The following NDRG2 variants were observed in gnomAD, a reference collection of about 807,000 sequenced individuals.
The protein encoded by NDRG2 is protein NDRG2.
Under a neutral mutation model 58.2 loss-of-function variants are expected in NDRG2, and 34 were observed. The observed-to-expected ratio is 0.58, with a 90% CI of 0.44 to 0.78. The LOEUF (loss-of-function observed/expected upper bound fraction) is 0.78. Among genes scored for constraint, NDRG2 ranks in the 30% least tolerant of loss-of-function variants. The pLI, the probability that NDRG2 is intolerant of heterozygous loss-of-function variation, is 0.00. For synonymous variants in NDRG2, 187 were observed against 175.9 expected, an observed-to-expected ratio of 1.06 and a Z score of -0.50; for missense variants, 434 against 471.2, an observed-to-expected ratio of 0.92 and a Z score of 0.73.
chr14:21,031,114 G>A lies in NDRG2; in HGVS notation c.25-7793C>T, dbSNP rs1004434082. On this transcript the variant is annotated intron_variant, in intron 1 of 14. Coordinates refer to the NDRG2 transcript ENST00000403829. ...GGAAGAGTCCAGATGAAGTCCTGGA[G>A]AACATTTATGGACTCATGGAGGGCA... is the stretch of plus-strand genomic sequence containing the variant. 5.0e-6 allele frequency: 8 copies of A among 1,614,060 alleles called. No homozygotes were observed. In the African/African-American group the frequency reaches 9.3e-5, roughly 19 times the overall value.
intron 1 of NDRG2, chr14:21,043,884 AAAATAT>A (rs1885027589): frequency 5.4e-6 from 1 of 186,098 alleles, no homozygotes; most frequent in African/African-American, 2.4e-5. Flanking sequence ...GAAGGAAAGA[AAAATAT>A]AAATAAATAC....
chr14:21,061,075 A>G (rs1885934394), intron 1 of NDRG2, among the ~76,000 whole-genome samples: 1 of 152,216 alleles, frequency 6.6e-6, no homozygotes. Flanking sequence ...TACATACGAA[A>G]CTATCAAGTA....
intron 14 of NDRG2, 80 bp from the exon 15 acceptor site, chr14:21,018,118 G>A (rs1877844500): frequency 6.2e-7 from 1 of 1,601,344 alleles, no homozygotes; most frequent in Non-Finnish European, 8.6e-7. Flanking sequence ...CGGCACTGTG[G>A]GGCCGGGTGT....
At chr14:21,038,928 C>T (rs1884771526) in intron 1 of NDRG2, among the ~76,000 whole-genome samples, 1 of 152,248 alleles carries the variant, frequency 6.6e-6, no homozygotes, top group South Asian at 2.1e-4. Flanking sequence ...GAAAGTCCCA[C>T]ATCTGACCTC....
chr14:21,059,768 AC>A (rs1885861606), intron 1 of NDRG2, among the ~76,000 whole-genome samples: 1 of 152,134 alleles, frequency 6.6e-6, no homozygotes, highest in Non-Finnish European at 1.5e-5. Flanking sequence ...CAAGTGATCC[AC>A]CCACCTGGAC....
Position 21,068,146 on chromosome 14 carries a change from C to A in NDRG2, c.24+2682G>T, listed in dbSNP as rs1396363396. Among the ~76,000 whole-genome samples, 2 of 49,108 alleles carry A rather than the reference C, an allele frequency of 4.1e-5. 1 individual carries two copies. Among genetic ancestry groups the A allele is most frequent in the Non-Finnish European group, 1.2e-4 (2 of 16,914 alleles). The allele number at this position is 49,108 out of a possible 152,430, so 32.2% of individuals were successfully genotyped here. ...TCCCGAGTAGCTGGGACTACAGGCG[C>A]CCGCTACCACGCCCGGCTAATTTTT... On this transcript the variant is annotated intron_variant, in intron 1 of 14. Coordinates refer to the NDRG2 transcript ENST00000403829.
Position 21,021,855 on chromosome 14 carries a change from C to G in NDRG2, c.369G>C (p.Gln123His). The change falls in exon 6 of 16, where the codon CAG becomes CAC. Residue 123 changes from glutamine to histidine, a missense_variant. Transcript: ENST00000556147. ...GGACGCAAGGGATCATGTCTGCAAG[C>G]TGGTCCAGAGATGGGTACTGATATC... ...PLGYQYPSLD[Q>H]LADMIPCVLQ... The G allele has an allele frequency of 6.2e-7, 1 of 1,613,448 alleles. No homozygotes were observed. Among genetic ancestry groups the G allele is most frequent in the Non-Finnish European group, 8.5e-7 (1 of 1,179,708 alleles).
intron 1 of NDRG2, among the ~76,000 whole-genome samples, chr14:21,050,463 G>T (rs531854319): frequency 6.6e-6 from 1 of 152,130 alleles, no homozygotes; most frequent in Admixed American, 6.6e-5. Flanking sequence ...TTTGGTAAGG[G>T]TTACCACTTT....
intron 6 of NDRG2, 123 bp downstream of exon 6, chr14:21,021,694 A>G (rs1259046112): frequency 9.5e-7 from 1 of 1,054,492 alleles, no homozygotes; most frequent in Non-Finnish European, 1.4e-6. Context: ...AGCATGAAGG[A>G]AGAAGATATA....
intron 1 of NDRG2, chr14:21,033,781 G>T (rs761975973): frequency 8.6e-6 from 11 of 1,283,732 alleles, no homozygotes; most frequent in Admixed American, 1.7e-5. Flanking sequence ...GGAGACAGCT[G>T]GCCTGTGGTG....
At chr14:21,068,421 A>G (rs936735723) in intron 1 of NDRG2, among the ~76,000 whole-genome samples, 1 of 152,146 alleles carries the variant, frequency 6.6e-6, no homozygotes, top group African/African-American at 2.4e-5. Flanking sequence ...TTGGAGTCCA[A>G]TGGACAACCT....
intron 1 of NDRG2, chr14:21,042,997 C>T: frequency 9.3e-6 from 15 of 1,611,964 alleles, no homozygotes; most frequent in East Asian, 2.2e-5. Flanking sequence ...AGAGAGATGG[C>T]ACCGGCCAGA....
intron 1 of NDRG2, among the ~76,000 whole-genome samples, chr14:21,057,589 T>G (rs893731143): frequency 1.5e-5 from 2 of 131,760 alleles, no homozygotes; most frequent in African/African-American, 5.9e-5. Context: ...AATAGGAATT[T>G]TCTTAACTTT....
intron 1 of NDRG2, chr14:21,030,957 T>C: frequency 1.3e-6 from 2 of 1,562,084 alleles, no homozygotes; most frequent in South Asian, 2.5e-5. Context: ...AGTTGGACCT[T>C]GGAAGGTAAT....
intron 1 of NDRG2, chr14:21,034,277 A>G: frequency 6.2e-7 from 1 of 1,610,428 alleles, no homozygotes. Context: ...GCCGGGTCAC[A>G]GCTGGTGCCA....
At chr14:21,053,866 G>A (rs1885570023) in intron 1 of NDRG2, among the ~76,000 whole-genome samples, 1 of 152,178 alleles carries the variant, frequency 6.6e-6, no homozygotes, top group Non-Finnish European at 1.5e-5. Context: ...GAACTCGGAA[G>A]TGCCTTCCTG....
At chr14:21,058,368 C>T (rs1447227853) in intron 1 of NDRG2, 41 of 1,557,380 alleles carry the variant, frequency 2.6e-5, no homozygotes, top group Non-Finnish European at 3.5e-5. Flanking sequence ...GCCCTGGTGC[C>T]CACGTTCCAC....
intron 1 of NDRG2, chr14:21,034,052 C>T (rs2139090888): frequency 2.5e-6 from 4 of 1,614,150 alleles, no homozygotes; most frequent in Non-Finnish European, 3.4e-6. Flanking sequence ...GGATGGCCTT[C>T]CAAGGGGCAT....
intron 1 of NDRG2, chr14:21,032,551 G>A: frequency 2.9e-6 from 1 of 346,828 alleles, no homozygotes; most frequent in South Asian, 2.1e-5. Context: ...TTTTTTGGGT[G>A]GAGGAGTAGA....
Sources: gnomAD v4.1 joint callset for allele counts (sites outside exome capture counted in the v4.1 genomes callset) on GRCh38, gnomAD v4.1.1 for gene constraint, MANE v1.5 for transcripts, NCBI Gene and HGNC (gene_info 2026-07-23, HGNC 2026-07-21) for gene names.